Variants in MALRD1 observed in about 807,000 individuals in gnomAD.
MALRD1 encodes MAM and LDL receptor class A domain containing 1.
Under a neutral mutation model 242.1 loss-of-function variants are expected in MALRD1, and 247 were observed. The observed-to-expected ratio is 1.02, with a 90% CI of 0.92 to 1.13. The LOEUF is 1.13. MALRD1 is among the 50% of genes most tolerant of loss of function. The pLI, the probability that MALRD1 is intolerant of heterozygous loss-of-function variation, is 0.00. For synonymous variants in MALRD1, 995 were observed against 866.6 expected (o/e 1.15, Z -2.60); for missense variants, 2,989 against 2,533.1 (o/e 1.18, Z -3.86).
intron 36 of MALRD1, among the ~76,000 whole-genome samples, chr10:19,636,529 G>A (rs898198019): frequency 6.6e-6 from 1 of 151,962 alleles, no homozygotes; most frequent in African/African-American, 2.4e-5. Flanking sequence ...ACAAAACACA[G>A]CCTCAAAATA....
intron 26 of MALRD1, among the ~76,000 whole-genome samples, chr10:19,363,378 G>A (rs1057371383): frequency 1.3e-5 from 2 of 152,108 alleles, no homozygotes; most frequent in African/African-American, 2.4e-5. Context: ...AGACGATCAG[G>A]TGAACAGTGT....
At chr10:19,345,760 ATC>A (rs1410354009) in intron 24 of MALRD1, among the ~76,000 whole-genome samples, 2 of 98,326 alleles carry the variant, frequency 2.0e-5, no homozygotes, top group African/African-American at 3.7e-5. Flanking sequence ...TCTTGAAGTA[ATC>A]TTTTTTTTTT....
chr10:19,084,960 C>T (rs998155338), intron 2 of MALRD1, among the ~76,000 whole-genome samples: 3 of 151,764 alleles, frequency 2.0e-5, no homozygotes, highest in African/African-American at 7.3e-5. Flanking sequence ...GCAGGCACAA[C>T]GTGGGAATTT....
intron 21 of MALRD1, among the ~76,000 whole-genome samples, chr10:19,287,399 A>T (rs1033489762): frequency 6.6e-6 from 1 of 151,750 alleles, no homozygotes; most frequent in Non-Finnish European, 1.5e-5. Context: ...TCTCCCTCCC[A>T]TCGTTCCGAC....
At chr10:19,274,924 T>A (rs1588832250) in intron 19 of MALRD1, among the ~76,000 whole-genome samples, 1 of 152,148 alleles carries the variant, frequency 6.6e-6, no homozygotes, top group East Asian at 1.9e-4. Flanking sequence ...GTGAATAGCC[T>A]TAATACTATT....
chr10:19,553,881 T>A (rs1835599884), intron 32 of MALRD1, among the ~76,000 whole-genome samples: 1 of 152,180 alleles, frequency 6.6e-6, no homozygotes, highest in African/African-American at 2.4e-5. Context: ...GACTAGAAGA[T>A]CTCCAAGGTC....
At chr10:19,159,226 G>T (rs900825935) in intron 12 of MALRD1, among the ~76,000 whole-genome samples, 9 of 152,182 alleles carry the variant, frequency 5.9e-5, no homozygotes, top group Non-Finnish European at 2.9e-5. Flanking sequence ...TGAGGGATGT[G>T]TGTGTGTGTC....
At chr10:19,210,633 C>T (rs1337628204) in intron 18 of MALRD1, among the ~76,000 whole-genome samples, 1 of 152,192 alleles carries the variant, frequency 6.6e-6, no homozygotes, top group Non-Finnish European at 1.5e-5. Flanking sequence ...AGCACTATAT[C>T]TATCTAAATG....
At chr10:19,331,171 G>A (rs764725849) in intron 23 of MALRD1, among the ~76,000 whole-genome samples, 198 bp from the exon 24 acceptor site, 1 of 152,148 alleles carries the variant, frequency 6.6e-6, no homozygotes, top group Non-Finnish European at 1.5e-5. Flanking sequence ...ATTCTTAGGT[G>A]TTGAGGATGA....
intron 18 of MALRD1, among the ~76,000 whole-genome samples, chr10:19,221,901 C>T (rs1398368154): frequency 1.3e-5 from 2 of 151,248 alleles, no homozygotes; most frequent in Admixed American, 6.6e-5. Context: ...GGAAAAAGAG[C>T]GGAGAGAGAG....
chr10:19,611,711 C>T (rs928303258), intron 35 of MALRD1, among the ~76,000 whole-genome samples: 3 of 151,976 alleles, frequency 2.0e-5, no homozygotes, highest in African/African-American at 4.8e-5. Flanking sequence ...GTCTCCTTCC[C>T]CATTTCATTT....
intron 31 of MALRD1, among the ~76,000 whole-genome samples, chr10:19,517,204 C>G (rs1481137332): frequency 6.6e-6 from 1 of 152,092 alleles, no homozygotes; most frequent in Non-Finnish European, 1.5e-5. Context: ...TGGAAATATG[C>G]TTTTTTATCT....
At chr10:19,288,050 C>A (rs995084796) in intron 21 of MALRD1, among the ~76,000 whole-genome samples, 3 of 151,498 alleles carry the variant, frequency 2.0e-5, no homozygotes, top group Admixed American at 6.6e-5. Context: ...AAGTACCCAT[C>A]TTTCAAGGCC....
intron 11 of MALRD1, among the ~76,000 whole-genome samples, chr10:19,152,472 A>G (rs1833975786): frequency 6.6e-6 from 1 of 151,914 alleles, no homozygotes; most frequent in Non-Finnish European, 1.5e-5. Context: ...GAAACATGTT[A>G]TCTCTTTTCA....
intron 29 of MALRD1, among the ~76,000 whole-genome samples, chr10:19,485,525 C>G (rs1837195589): frequency 6.6e-6 from 1 of 151,846 alleles, no homozygotes; most frequent in African/African-American, 2.4e-5. Flanking sequence ...CACCTGTAGT[C>G]CCAGCTACTG....
intron 36 of MALRD1, among the ~76,000 whole-genome samples, chr10:19,626,294 A>ATT (rs35740836): frequency 0.039 from 5,260 of 134,282 alleles, 201 homozygotes; most frequent in East Asian, 0.21. Context: ...TAAAATCAAG[A>ATT]TTTTTTTTTT....
chr10:19,380,277 C>CT (rs11449066), intron 26 of MALRD1, among the ~76,000 whole-genome samples: 79,466 of 140,342 alleles, frequency 0.57, 22,503 homozygotes, highest in Middle Eastern at 0.58. Context: ...GGCCAGCCTT[C>CT]TTTTTTTTTT....
At chr10:19,397,836 T>C (rs1846655754) in intron 28 of MALRD1, among the ~76,000 whole-genome samples, 1 of 152,102 alleles carries the variant, frequency 6.6e-6, no homozygotes, top group African/African-American at 2.4e-5. Flanking sequence ...GTCTTTTTGA[T>C]AATAGCCATT....
rs371495600 is a variant in MALRD1 at position 19,106,163 on chromosome 10, C to T, written c.694+2088C>T. Reference sequence around the variant, plus strand: ...CCTTTATATTCTCTTCCCACCCACTCACCCTTCACAGCTTCTAGTATCTAT... The same window carrying T: ...CCTTTATATTCTCTTCCCACCCACTTACCCTTCACAGCTTCTAGTATCTAT... On this transcript the variant is annotated intron_variant, in intron 5 of 39. Coordinates refer to ENST00000454679, the MANE Select transcript of MALRD1 (RefSeq NM_001142308.3). 4.6e-5 allele frequency among the ~76,000 whole-genome samples: 7 copies of T among 151,990 alleles called. No homozygotes were observed. In the East Asian group the frequency reaches 9.6e-4, roughly 21 times the overall value.
Sources: gnomAD v4.1 joint callset for allele counts (sites outside exome capture counted in the v4.1 genomes callset) on GRCh38, gnomAD v4.1.1 for gene constraint, MANE v1.5 for transcripts, NCBI Gene and HGNC (gene_info 2026-07-23, HGNC 2026-07-21) for gene names.